The following SOX13 variants were observed in gnomAD, a reference collection of about 807,000 sequenced individuals.
SOX13 encodes the protein SRY-box transcription factor 13.
A neutral mutation model predicts 71.8 loss-of-function variants in SOX13; 28 were observed. The observed-to-expected ratio is 0.39, with a 90% confidence interval of 0.29 to 0.53. The LOEUF (loss-of-function observed/expected upper bound fraction) is 0.53. SOX13 is among the 20% of genes least tolerant of loss of function. The pLI, the probability that SOX13 is intolerant of heterozygous loss-of-function variation, is 0.70. For synonymous variants in SOX13, 309 were observed against 317.8 expected, an observed-to-expected ratio of 0.97 and a Z score of 0.29; for missense variants, 627 against 810.3, an observed-to-expected ratio of 0.77 and a Z score of 2.75.
intron 1 of SOX13, among the ~76,000 whole-genome samples, chr1:204,105,422 T>C (rs1257608583): frequency 1.3e-5 from 2 of 151,320 alleles, no homozygotes; most frequent in Non-Finnish European, 2.9e-5. Flanking sequence ...TCTTTTTTTT[T>C]TGAGACAGAG....
chr1:204,106,775 G>A (rs1166279896), intron 1 of SOX13, among the ~76,000 whole-genome samples: 1 of 152,124 alleles, frequency 6.6e-6, no homozygotes, highest in Non-Finnish European at 1.5e-5. Flanking sequence ...AAAGTGCTGG[G>A]ATTACAGCCG....
chr1:204,117,910 A>C, intron 7 of SOX13: 1 of 579,074 alleles, frequency 1.7e-6, no homozygotes, highest in Non-Finnish European at 3.1e-6. Context: ...AAAAACCATA[A>C]AGCCCTTTCC....
chr1:204,125,871 C>CA lies in SOX13; in HGVS notation c.1607dup (p.Val537GlyfsTer30). ...TCTGCCCCACAGCCCGCAGGCTGGCCAGGTGCAGATGAGCTCCTCAGATGT... is the reference window on the plus strand; with the variant it reads ...TCTGCCCCACAGCCCGCAGGCTGGCCAAGGTGCAGATGAGCTCCTCAGATGT... On this transcript the variant is annotated frameshift_variant, in exon 14 of 14. Transcript: ENST00000367204. LOFTEE classifies it high-confidence loss of function. 6.2e-7 allele frequency: 1 copy of CA among 1,611,130 alleles called. No individual in the cohort carries two copies. The highest frequency in any genetic ancestry group is 8.5e-7 in the Non-Finnish European group (1 of 1,179,170).
chr1:204,090,407 TC>T (rs550243046), intron 1 of SOX13, among the ~76,000 whole-genome samples: 2 of 129,314 alleles, frequency 1.5e-5, no homozygotes, highest in Non-Finnish European at 3.2e-5. Context: ...TTCTTCTTCT[TC>T]TTTTTTTTTT....
intron 1 of SOX13, among the ~76,000 whole-genome samples, chr1:204,090,408 CTTT>C (rs67694415): frequency 1.5e-4 from 18 of 118,530 alleles, no homozygotes; most frequent in Middle Eastern, 4.9e-3. Context: ...TCTTCTTCTT[CTTT>C]TTTTTTTTTT....
At chr1:204,115,661 T>C (rs1448251508) in intron 4 of SOX13, among the ~76,000 whole-genome samples, 3,721 of 119,576 alleles carry the variant, frequency 0.031, 24 homozygotes, top group Non-Finnish European at 0.049. Context: ...CTTCTTCTTT[T>C]TTTTTTTTTT....
At chr1:204,106,499 T>C (rs1047048985) in intron 1 of SOX13, among the ~76,000 whole-genome samples, 17 of 150,902 alleles carry the variant, frequency 1.1e-4, no homozygotes, top group African/African-American at 4.1e-4. Context: ...TTTTGGCTAC[T>C]GGGTGACTCC....
intron 1 of SOX13, among the ~76,000 whole-genome samples, chr1:204,094,304 C>T (rs958483399): frequency 1.1e-4 from 16 of 152,204 alleles, no homozygotes; most frequent in African/African-American, 2.4e-4. Context: ...CTCTTTCCAC[C>T]GCACACGCAG....
intron 1 of SOX13, among the ~76,000 whole-genome samples, chr1:204,097,551 C>T (rs969503495): frequency 5.3e-5 from 8 of 151,872 alleles, no homozygotes; most frequent in Admixed American, 2.0e-4. Flanking sequence ...ATTAGCTGGG[C>T]GTGGTGGCGC....
chr1:204,117,497 T>G, intron 6 of SOX13, 96 bp from the exon 7 acceptor site: 6 of 787,170 alleles, frequency 7.6e-6, no homozygotes, highest in Non-Finnish European at 1.0e-5. Context: ...CCCCTGTGCC[T>G]CTTGTCCATG....
chr1:204,121,348 G>C (rs1385689122), intron 7 of SOX13, among the ~76,000 whole-genome samples: 1 of 152,130 alleles, frequency 6.6e-6, no homozygotes, highest in Non-Finnish European at 1.5e-5. Flanking sequence ...TTGAACTCTT[G>C]GCCTCAAGCA....
At chr1:204,100,749 T>G (rs1656345467) in intron 1 of SOX13, among the ~76,000 whole-genome samples, 1 of 152,144 alleles carries the variant, frequency 6.6e-6, no homozygotes, top group Admixed American at 6.5e-5. Context: ...GAGGAAGAGC[T>G]GCTAAACTGG....
chr1:204,082,456 G>A (rs543956922), intron 1 of SOX13, among the ~76,000 whole-genome samples: 2 of 152,286 alleles, frequency 1.3e-5, no homozygotes, highest in South Asian at 4.1e-4. Context: ...CCCCAAGCAC[G>A]TTGGGGTTTC....
intron 1 of SOX13, among the ~76,000 whole-genome samples, chr1:204,111,731 A>G (rs1656583769): frequency 7.9e-6 from 1 of 127,058 alleles, no homozygotes; most frequent in African/African-American, 3.0e-5. Context: ...TTTTAAAGAG[A>G]TGGGAGTCTC....
intron 1 of SOX13, among the ~76,000 whole-genome samples, chr1:204,110,517 C>G (rs1185939319): frequency 6.6e-6 from 1 of 151,930 alleles, no homozygotes; most frequent in African/African-American, 2.4e-5. Flanking sequence ...AGTTTTTGCA[C>G]TATATTGTCT....
rs756268839 is a variant in SOX13 at position 204,126,163 on chromosome 1, C to T, written c.*29C>T. 6.9e-6 allele frequency: 11 copies of T among 1,604,598 alleles called. No homozygotes were observed. The East Asian group carries it at 2.2e-4, about 33-fold the overall frequency. ...CGGCTGGGTGGGCCTGGCCCCTTCT[C>T]CTCTGGGGAAGACCTTGTCCCAACT... On this transcript the variant is annotated 3_prime_UTR_variant, in exon 14 of 14. Coordinates refer to ENST00000367204, the MANE Select transcript of SOX13 (RefSeq NM_005686.3).
intron 1 of SOX13, among the ~76,000 whole-genome samples, chr1:204,099,049 A>G (rs138347119): frequency 1.3e-5 from 2 of 152,242 alleles, no homozygotes; most frequent in Non-Finnish European, 2.9e-5. Context: ...TTGTGGGAGC[A>G]GCACTGGCCC....
At position 204,123,218 on chromosome 1, in the gene SOX13, C is replaced by A. The variant is rs201697332; in HGVS notation, c.1231+10C>A. ...AGCTGCGACATGGATGGTGAGGGCT[C>A]AGGCGCAGGGCTGATGCGCAGGAGG... On this transcript the variant is annotated intron_variant, in intron 11 of 13. Transcript: ENST00000367204. This position sits in a 1 kb window ranked among gnomAD's most constrained non-coding sequence, Gnocchi z 5.0. The A allele has an allele frequency of 3.1e-6, 5 of 1,607,316 alleles. No homozygotes were observed. The highest frequency in any genetic ancestry group is 2.7e-5 in the African/African-American group (2 of 74,784).
chr1:204,079,282 A>AAAAC (rs1263529084), intron 1 of SOX13, among the ~76,000 whole-genome samples: 2 of 151,218 alleles, frequency 1.3e-5, no homozygotes, highest in Non-Finnish European at 2.9e-5. Flanking sequence ...TCCGTCTCAA[A>AAAAC]AAACAAACAA....
Sources: gnomAD v4.1 joint callset for allele counts (sites outside exome capture counted in the v4.1 genomes callset) on GRCh38, gnomAD v4.1.1 for gene constraint, Gnocchi (gnomAD v3.1) non-coding constraint, MANE v1.5 for transcripts, NCBI Gene and HGNC (gene_info 2026-07-23, HGNC 2026-07-21) for gene names.